The following RREB1 variants were observed in gnomAD, a reference collection of about 807,000 sequenced individuals.
RREB1 encodes the protein ras-responsive element-binding protein 1.
RREB1 carries 27 observed loss-of-function variants against 117.8 expected under a neutral mutation model. That is an observed-to-expected ratio of 0.23 (90% CI 0.17 to 0.32). The LOEUF (loss-of-function observed/expected upper bound fraction) is 0.32, where lower values mean the gene tolerates loss of function less well. RREB1 is among the 10% of genes least tolerant of loss of function. The pLI, the probability that RREB1 is intolerant of heterozygous loss-of-function variation, is 1.00. For missense variants in RREB1, 2,577 were observed against 2,378.2 expected, an observed-to-expected ratio of 1.08 and a Z score of -1.74; for synonymous variants, 1,298 against 1,026.7, an observed-to-expected ratio of 1.26 and a Z score of -5.05.
At position 7,225,115 on chromosome 6, in the gene RREB1, T is replaced by C. The variant is rs536229175; in HGVS notation, c.708-1352T>C. 3.9e-5 allele frequency among the ~76,000 whole-genome samples: 6 copies of C among 152,320 alleles called. No individual in the cohort carries two copies. In the South Asian group the frequency reaches 1.0e-3, roughly 26 times the overall value. On this transcript the variant is annotated intron_variant, in intron 8 of 12. Transcript: ENST00000379938. ...ATCTCTTTATTTCCAGAGAAGACTCTCAACTCAAAAAAGTTTTCACTGATG... is the reference window on the plus strand; with the variant it reads ...ATCTCTTTATTTCCAGAGAAGACTCCCAACTCAAAAAAGTTTTCACTGATG...
chr6:7,189,918 A>C (rs777175955), intron 6 of RREB1, among the ~76,000 whole-genome samples: 2 of 152,198 alleles, frequency 1.3e-5, no homozygotes, highest in Non-Finnish European at 1.5e-5. Flanking sequence ...AACCTATGGA[A>C]AATAGAGTTT....
At chr6:7,205,492 TCA>T (rs1353288086) in intron 6 of RREB1, among the ~76,000 whole-genome samples, 2 of 152,186 alleles carry the variant, frequency 1.3e-5, no homozygotes, top group African/African-American at 4.8e-5. Context: ...CTTCATTGCA[TCA>T]CATGGTCTCT....
chr6:7,242,884 G>A (rs549810079), intron 11 of RREB1, among the ~76,000 whole-genome samples: 11 of 152,138 alleles, frequency 7.2e-5, no homozygotes, highest in African/African-American at 2.4e-4. Flanking sequence ...TCCCTTAAAG[G>A]TCCATTTTGA....
chr6:7,161,928 A>T (rs1357183263), intron 1 of RREB1, among the ~76,000 whole-genome samples: 2 of 152,192 alleles, frequency 1.3e-5, no homozygotes, highest in Non-Finnish European at 2.9e-5. Flanking sequence ...TAAGCTGTGG[A>T]TACGATTATT....
intron 6 of RREB1, among the ~76,000 whole-genome samples, chr6:7,191,505 A>G (rs1358220371): frequency 6.6e-6 from 1 of 152,218 alleles, no homozygotes; most frequent in African/African-American, 2.4e-5. Flanking sequence ...TTGCTGGGTC[A>G]TATGGTAAAT....
intron 1 of RREB1, among the ~76,000 whole-genome samples, chr6:7,170,303 G>GT (rs1173063785): frequency 6.6e-6 from 1 of 152,214 alleles, no homozygotes. Flanking sequence ...TTCCAAGGCT[G>GT]TAAGAGGGAA....
At chr6:7,178,525 C>T (rs1243568413) in intron 2 of RREB1, among the ~76,000 whole-genome samples, 1 of 152,216 alleles carries the variant, frequency 6.6e-6, no homozygotes, top group Non-Finnish European at 1.5e-5. Flanking sequence ...GCACCAGCTT[C>T]TTCCCCTTCT....
At chr6:7,237,644 G>A (rs141385855) in intron 10 of RREB1, among the ~76,000 whole-genome samples, 12 of 152,296 alleles carry the variant, frequency 7.9e-5, no homozygotes, top group African/African-American at 1.2e-4. Context: ...GCAGTTATTC[G>A]TGGCAGCTAC....
At chr6:7,208,329 A>G (rs920278146) in intron 6 of RREB1, among the ~76,000 whole-genome samples, 2 of 152,206 alleles carry the variant, frequency 1.3e-5, no homozygotes, top group African/African-American at 4.8e-5. Context: ...AGGCTAGGGA[A>G]GCAGAGCAGG....
intron 1 of RREB1, among the ~76,000 whole-genome samples, chr6:7,133,144 G>C (rs1278609637): frequency 2.0e-5 from 3 of 152,122 alleles, no homozygotes; most frequent in African/African-American, 7.2e-5. Context: ...AGGGAAGCAT[G>C]GTTCGTTTCT....
intron 8 of RREB1, chr6:7,217,305 G>T (rs1355991588): frequency 3.3e-5 from 5 of 152,342 alleles, no homozygotes; most frequent in Admixed American, 2.0e-4. Flanking sequence ...AGGAATGCCA[G>T]TCTCTCCATT....
chr6:7,246,869 G>A lies in RREB1; in HGVS notation c.4419G>A (p.Gln1473=), dbSNP rs531665408. 2.6e-6 allele frequency: 4 copies of A among 1,552,742 alleles called. No homozygotes were observed. The African/African-American group carries it at 5.5e-5, about 21-fold the overall frequency. Residue 1473 remains glutamine (Q), a synonymous_variant, in exon 12 of 13, where the codon CAG becomes CAA. Coordinates refer to ENST00000379938, the MANE Select transcript of RREB1 (RefSeq NM_001003699.4). ...GCCACCGGAAGGCGCACGGCCGCCA[G>A]GAGCCCAAGGACGAGAAGGGAGATG... ...LSRHRKAHGR[Q]EPKDEKGDGA...
rs146157905 is a variant in RREB1, at chr6:7,170,857, T to G, written c.-284-5798T>G. On this transcript the variant is annotated intron_variant, in intron 1 of 12. Coordinates refer to ENST00000379938, the MANE Select transcript of RREB1 (RefSeq NM_001003699.4). Reference sequence around the variant, plus strand: ...AAGGTTTTCAGTGAGATCCTGAGCTTCTTCATGAGCTGGTTCTCAGGGCTG... The same window carrying G: ...AAGGTTTTCAGTGAGATCCTGAGCTGCTTCATGAGCTGGTTCTCAGGGCTG... Among the ~76,000 whole-genome samples, 48 of 152,294 alleles carry G rather than the reference T, an allele frequency of 3.2e-4. 2 individuals are homozygous for G. The East Asian group carries it at 7.9e-3, about 25-fold the overall frequency.
At chr6:7,114,473 G>GT (rs1192514183) in intron 1 of RREB1, among the ~76,000 whole-genome samples, 4 of 151,914 alleles carry the variant, frequency 2.6e-5, no homozygotes, top group Admixed American at 2.0e-4. Context: ...TCTGGTGGGG[G>GT]GGGGGGCGGC....
At chr6:7,220,825 G>A (rs756166360) in intron 8 of RREB1, among the ~76,000 whole-genome samples, 4 of 152,198 alleles carry the variant, frequency 2.6e-5, no homozygotes, top group Non-Finnish European at 5.9e-5. Context: ...CGCCACAGAC[G>A]GGTTGAGGAG....
intron 8 of RREB1, chr6:7,215,793 T>C (rs1262335653): frequency 6.6e-6 from 1 of 152,266 alleles, no homozygotes; most frequent in East Asian, 1.9e-4. Flanking sequence ...GTACTGACTC[T>C]TTGAAATCTG....
chr6:7,203,928 A>G (rs1211066954), intron 6 of RREB1, among the ~76,000 whole-genome samples: 3 of 152,164 alleles, frequency 2.0e-5, no homozygotes, highest in Non-Finnish European at 4.4e-5. Context: ...TCTGTGGGCC[A>G]TATTGCCCAC....
intron 1 of RREB1, among the ~76,000 whole-genome samples, chr6:7,121,179 C>T (rs1356618634): frequency 6.6e-6 from 1 of 152,086 alleles, no homozygotes; most frequent in East Asian, 1.9e-4. Context: ...AGGCTGATCT[C>T]AAACTCCTGG....
intron 1 of RREB1, among the ~76,000 whole-genome samples, chr6:7,121,478 G>C (rs569940653): frequency 6.6e-6 from 1 of 152,184 alleles, no homozygotes; most frequent in East Asian, 1.9e-4. Flanking sequence ...GTGGTCACCC[G>C]ATGCCCTTAA....
Sources: allele counts gnomAD v4.1 joint callset (sites outside exome capture counted in the v4.1 genomes callset), GRCh38; gene constraint gnomAD v4.1.1; transcripts MANE v1.5; gene names NCBI Gene and HGNC (gene_info 2026-07-23, HGNC 2026-07-21).